The following HIF1A variants were observed in gnomAD, a reference collection of about 807,000 sequenced individuals.
The protein encoded by HIF1A is hypoxia-inducible factor 1-alpha.
HIF1A carries 24 observed loss-of-function variants against 92.7 expected under a neutral mutation model. That is an observed-to-expected ratio of 0.26 (90% CI 0.19 to 0.36). The LOEUF (loss-of-function observed/expected upper bound fraction) is 0.36. HIF1A is among the 10% of genes least tolerant of loss of function. The pLI is 1.00. For missense variants in HIF1A, 799 were observed against 998.5 expected (o/e 0.80, Z 2.69); for synonymous variants, 319 against 338.7 (o/e 0.94, Z 0.64).
chr14:61,728,145 C>T (rs1411150462), intron 6 of HIF1A, among the ~76,000 whole-genome samples: 2 of 152,136 alleles, frequency 1.3e-5, no homozygotes, highest in Non-Finnish European at 2.9e-5. Context: ...AACATTTACT[C>T]TGTACTATGA....
At chr14:61,729,486 A>AAAAC (rs1566571569) in intron 6 of HIF1A, among the ~76,000 whole-genome samples, 1 of 147,916 alleles carries the variant, frequency 6.8e-6, no homozygotes. Context: ...AAACAAAAAA[A>AAAAC]AGACCTCAGA....
In HIF1A at chr14:61,747,026, G is replaced by A; in HGVS notation, c.2422G>A (p.Gly808Ser). The A allele has an allele frequency of 6.2e-7, 1 of 1,612,982 alleles. No homozygotes were observed. The highest frequency in any genetic ancestry group is 8.5e-7 in the Non-Finnish European group (1 of 1,179,128). Residue 808 changes from glycine to serine, a missense_variant, in exon 15 of 15, where the codon GGC becomes AGC. This residue lies in a region of HIF1A where 283 missense variants were observed against 277.5 expected (regional missense o/e 1.02). Coordinates refer to ENST00000337138, the MANE Select transcript of HIF1A (RefSeq NM_001530.4). Reference protein sequence around the residue: ...YDCEVNAPIQGSRNLLQGEEL... With the variant: ...YDCEVNAPIQSSRNLLQGEEL... ...TTGTGAAGTTAATGCTCCTATACAAGGCAGCAGAAACCTACTGCAGGGTGA... is the reference window on the plus strand; with the variant it reads ...TTGTGAAGTTAATGCTCCTATACAAAGCAGCAGAAACCTACTGCAGGGTGA...
chr14:61,695,809 A>T lies in HIF1A; in HGVS notation c.5A>T (p.Glu2Val). The change falls in exon 1 of 15, where the codon GAG becomes GTG. Residue 2 changes from glutamate (E) to valine (V), a missense_variant. Glu to Val is a moderately radical substitution (Grantham distance 121, BLOSUM62 -2). Around this residue, in one of 2 missense-constraint regions of HIF1A, gnomAD observed 516 missense variants for 721.0 expected, o/e 0.72. Coordinates refer to ENST00000337138, the MANE Select transcript of HIF1A (RefSeq NM_001530.4). Reference sequence around the variant, plus strand: ...CATCGCGGGGACCGATTCACCATGGAGGGCGCCGGCGGCGCGAACGACAAG... The same window carrying T: ...CATCGCGGGGACCGATTCACCATGGTGGGCGCCGGCGGCGCGAACGACAAG... Reference protein sequence around the residue: MEGAGGANDKKK... With the variant: MVGAGGANDKKK... The T allele has an allele frequency of 6.3e-7, 1 of 1,596,532 alleles. No homozygotes were observed. The highest frequency in any genetic ancestry group is 8.5e-7 in the Non-Finnish European group (1 of 1,173,184).
Position 61,727,619 on chromosome 14 carries a change from A to C in HIF1A, c.737A>C (p.His246Pro). Residue 246 changes from histidine (H) to proline (P), a missense_variant, in exon 6 of 15, where the codon CAC (histidine) becomes CCC (proline). Physicochemically the swap from His to Pro is moderately conservative, Grantham distance 77. This residue lies in a region of HIF1A where 516 missense variants were observed against 721.0 expected (regional missense o/e 0.72). Coordinates refer to ENST00000337138, the MANE Select transcript of HIF1A (RefSeq NM_001530.4). ...GATAGCAAGACTTTCCTCAGTCGAC[A>C]CAGCCTGGATATGAAATTTTCTTAT... ...PLDSKTFLSR[H>P]SLDMKFSYCD... The C allele has an allele frequency of 6.2e-7, 1 of 1,613,636 alleles. No homozygotes were observed. Among genetic ancestry groups the C allele is most frequent in the Non-Finnish European group, 8.5e-7 (1 of 1,179,568 alleles).
At chr14:61,714,735 A>G (rs1023982137) in intron 1 of HIF1A, among the ~76,000 whole-genome samples, 3 of 152,194 alleles carry the variant, frequency 2.0e-5, no homozygotes, top group African/African-American at 7.2e-5. Context: ...AAAAATGAGT[A>G]CAAACAACAA....
At chr14:61,725,895 C>A (rs571729263) in intron 4 of HIF1A, among the ~76,000 whole-genome samples, 15 of 151,966 alleles carry the variant, frequency 9.9e-5, no homozygotes, top group African/African-American at 2.7e-4. Context: ...TCTCAGCTCA[C>A]TGCAACCTCT....
rs746839427 is a variant in HIF1A, at chr14:61,740,546, T to A, written c.1578T>A (p.Asp526Glu). The A allele has an allele frequency of 3.1e-6, 5 of 1,598,418 alleles. No homozygotes were observed. The African/African-American group carries it at 6.7e-5, about 21-fold the overall frequency. The change falls in exon 11 of 15, where the codon GAT (aspartate) becomes GAA (glutamate). Residue 526 changes from aspartate to glutamate, a missense_variant. Physicochemically the swap from Asp to Glu is conservative, Grantham distance 45. This residue lies in a region of HIF1A where 516 missense variants were observed against 721.0 expected (regional missense o/e 0.72). Coordinates refer to ENST00000337138, the MANE Select transcript of HIF1A (RefSeq NM_001530.4). The stretch of plus-strand genomic sequence containing the variant: ...AATATTGTTTTTATGTGGATAGTGA[T>A]ATGGTCAATGAATTCAAGTTGGAAT... Reference protein sequence around the residue: ...PSEYCFYVDSDMVNEFKLELV... With the variant: ...PSEYCFYVDSEMVNEFKLELV...
chr14:61,726,828 A>T lies in HIF1A; in HGVS notation c.570+10A>T. On this transcript the variant is annotated intron_variant, in intron 5 of 14. Transcript: ENST00000337138. The stretch of plus-strand genomic sequence containing the variant: ...GTCTGCAACATGGAAGGTAAGTGAA[A>T]ATTATTTGTGATTGATTATACACTT... 6.8e-7 allele frequency: 1 copy of T among 1,464,708 alleles called. No individual in the cohort carries two copies. The highest frequency in any genetic ancestry group is 9.5e-7 in the Non-Finnish European group (1 of 1,055,578). 90.7% of individuals were successfully genotyped at this position (1,464,708 alleles called of 1,614,324 possible). A position where few individuals can be genotyped will look rare whatever the true frequency, so the allele number is the denominator to read the frequency against.
At chr14:61,721,369 G>C in intron 2 of HIF1A, 140 bp from the exon 3 acceptor site, 1 of 610,784 alleles carries the variant, frequency 1.6e-6, no homozygotes, top group South Asian at 2.4e-5. Flanking sequence ...CTAGCTTCTG[G>C]CCTGCACTTT....
intron 4 of HIF1A, among the ~76,000 whole-genome samples, chr14:61,725,106 TGACA>T (rs2044487277): frequency 6.6e-6 from 1 of 152,230 alleles, no homozygotes; most frequent in South Asian, 2.1e-4. Flanking sequence ...CTCTACTTAC[TGACA>T]TTCTAATGTC....
At chr14:61,697,695 A>G in intron 1 of HIF1A, 3 of 1,241,414 alleles carry the variant, frequency 2.4e-6, no homozygotes, top group Non-Finnish European at 3.0e-6. Context: ...ATAACTGAAA[A>G]ATTAAGTTAA....
intron 14 of HIF1A, among the ~76,000 whole-genome samples, 175 bp downstream of exon 14, chr14:61,745,992 G>A (rs528657454): frequency 6.6e-6 from 1 of 152,282 alleles, no homozygotes; most frequent in South Asian, 2.1e-4. Flanking sequence ...GGGAGGCCGA[G>A]GCAGCCAGAT....
chr14:61,718,784 CTTCCT>C (rs1465996200), intron 1 of HIF1A, among the ~76,000 whole-genome samples: 2 of 152,034 alleles, frequency 1.3e-5, no homozygotes, highest in Non-Finnish European at 2.9e-5. Flanking sequence ...ATAATAGTTT[CTTCCT>C]TTTTTTCCTC....
chr14:61,727,720 C>G, intron 6 of HIF1A, 65 bp downstream of exon 6: 1 of 1,215,158 alleles, frequency 8.2e-7, no homozygotes, highest in South Asian at 1.2e-5. Context: ...TGAATATTCA[C>G]CATAGCAAAG....
rs1452218197 is a variant in HIF1A at position 61,741,185 on chromosome 14, A to G, written c.2090A>G (p.Gln697Arg). 2 of 1,584,932 alleles carry G rather than the reference A, an allele frequency of 1.3e-6. No homozygotes were observed. The highest frequency in any genetic ancestry group is 1.7e-6 in the Non-Finnish European group (2 of 1,164,838). The change falls in exon 12 of 15, where the codon CAA becomes CGA. Residue 697 changes from glutamine (Q) to arginine (R), a missense_variant. Gln to Arg is a conservative substitution (Grantham distance 43, BLOSUM62 1). This residue lies in a region of HIF1A where 283 missense variants were observed against 277.5 expected (regional missense o/e 1.02). Coordinates refer to ENST00000337138, the MANE Select transcript of HIF1A (RefSeq NM_001530.4). ...AACGTGTTATCTGTCGCTTTGAGTC[A>G]AAGGTATTTATATGTAACATTCAAG... ...SPNVLSVALS[Q>R]RTTVPEEELN...
intron 12 of HIF1A, among the ~76,000 whole-genome samples, chr14:61,742,885 C>CAAAAA (rs766112676): frequency 1.2e-3 from 20 of 16,580 alleles, no homozygotes; most frequent in Non-Finnish European, 3.1e-3. Flanking sequence ...AACTCGGTTT[C>CAAAAA]AAAAAAAAAA....
At chr14:61,710,497 A>C (rs545642321) in intron 1 of HIF1A, among the ~76,000 whole-genome samples, 4 of 152,170 alleles carry the variant, frequency 2.6e-5, no homozygotes, top group Non-Finnish European at 5.9e-5. Flanking sequence ...TTTATTTTTA[A>C]AGTTTATTGA....
intron 1 of HIF1A, among the ~76,000 whole-genome samples, chr14:61,701,217 C>A (rs970220365): frequency 2.6e-5 from 4 of 152,036 alleles, no homozygotes; most frequent in African/African-American, 9.7e-5. Flanking sequence ...ATGAGTGTTT[C>A]TTTATTTTAA....
At chr14:61,714,534 A>G (rs1434522967) in intron 1 of HIF1A, among the ~76,000 whole-genome samples, 2 of 152,214 alleles carry the variant, frequency 1.3e-5, no homozygotes, top group Non-Finnish European at 2.9e-5. Flanking sequence ...TGCCACCATT[A>G]TACAAAATTC....
Sources: allele counts gnomAD v4.1 joint callset (sites outside exome capture counted in the v4.1 genomes callset), GRCh38; gene constraint gnomAD v4.1.1; regional missense constraint gnomAD v4.1.1; transcripts MANE v1.5; gene names NCBI Gene and HGNC (gene_info 2026-07-23, HGNC 2026-07-21).